DGCR8: variants seen among roughly 807,000 people sequenced by gnomAD.
DGCR8 encodes microprocessor complex subunit DGCR8.
In DGCR8, 14 loss-of-function variants were observed where a neutral mutation model predicts 78.5. The observed-to-expected ratio is 0.18, with a 90% CI of 0.12 to 0.28. The LOEUF (loss-of-function observed/expected upper bound fraction) is 0.28, where lower values mean the gene tolerates loss of function less well. DGCR8 is among the 10% of genes least tolerant of loss of function. The pLI, the probability that DGCR8 is intolerant of heterozygous loss-of-function variation, is 1.00. For missense variants in DGCR8, 702 were observed against 1,022.5 expected, an observed-to-expected ratio of 0.69 and a Z score of 4.28; for synonymous variants, 399 against 402.4, an observed-to-expected ratio of 0.99 and a Z score of 0.10.
intron 9 of DGCR8, chr22:20,100,617 G>A (rs2049687211): frequency 1.0e-6 from 1 of 985,278 alleles, no homozygotes; most frequent in Non-Finnish European, 1.2e-6. Flanking sequence ...GCCAGGAGAG[G>A]GCCCAGCGGG....
chr22:20,111,706 G>GCCGGGC lies in DGCR8; in HGVS notation c.*1600_*1601insGGGCCC. The GCCGGGC allele has an allele frequency of 1.6e-5, 1 of 63,040 alleles. No homozygotes were observed. The highest frequency in any genetic ancestry group is 2.0e-4 in the East Asian group (1 of 4,964). 3.9% of individuals were successfully genotyped at this position (63,040 alleles called of 1,614,324 possible). A position where few individuals can be genotyped will look rare whatever the true frequency, so the allele number is the denominator to read the frequency against. On this transcript the variant is annotated 3_prime_UTR_variant, in exon 14 of 14. Coordinates refer to ENST00000351989, the MANE Select transcript of DGCR8 (RefSeq NM_022720.7). ...TGCCATACTCTTGTGGTCTCTGTGCGCCCCCCCCCCCCCCCCACCCGTCTG... is the reference window on the plus strand; with the variant it reads ...TGCCATACTCTTGTGGTCTCTGTGCGCCGGGCCCCCCCCCCCCCCCCCACCCGTCTG...
chr22:20,082,333 T>TA (rs1460455033), intron 1 of DGCR8, among the ~76,000 whole-genome samples: 3 of 152,066 alleles, frequency 2.0e-5, no homozygotes, highest in African/African-American at 7.2e-5. Context: ...GCGCTGGGAT[T>TA]ACAGGCGTGA....
Position 20,086,194 on chromosome 22 carries a change from A to G in DGCR8, c.231A>G (p.Lys77=). ...FNFYGASLLS[K]GSFSKGRLLI... ...TCTACGGAGCTTCTCTTCTCTCCAA[A>G]GGATCCTTCTCTAAGGGCCGCCTCC... The change falls in exon 2 of 14, where the codon AAA becomes AAG. Residue 77 remains lysine (K), a synonymous_variant. Transcript: ENST00000351989. This position sits in a 1 kb window ranked among gnomAD's most constrained non-coding sequence, Gnocchi z 6.4. The G allele has an allele frequency of 6.2e-7, 1 of 1,614,144 alleles. No individual in the cohort carries two copies. The highest frequency in any genetic ancestry group is 8.5e-7 in the Non-Finnish European group (1 of 1,180,030).
Position 20,110,918 on chromosome 22 carries a change from CAGTCG to C in DGCR8, c.*815_*819del. 2.9e-6 allele frequency: 1 copy of C among 346,862 alleles called. No individual in the cohort carries two copies. The highest frequency in any genetic ancestry group is 4.3e-5 in the East Asian group (1 of 23,256). The allele number at this position is 346,862 out of a possible 1,614,324, so 21.5% of individuals were successfully genotyped here. On this transcript the variant is annotated 3_prime_UTR_variant, in exon 14 of 14. Transcript: ENST00000351989. ...AACAGTTTTTTACAAAGATTTTTTGCAGTCGAGTCCATATGTCCACCCATTGATTT... is the reference window on the plus strand; with the variant it reads ...AACAGTTTTTTACAAAGATTTTTTGCAGTCCATATGTCCACCCATTGATTT...
chr22:20,092,855 G>C lies in DGCR8; in HGVS notation c.1653G>C (p.Val551=). 3 of 1,613,894 alleles carry C rather than the reference G, an allele frequency of 1.9e-6. No homozygotes were observed. Among genetic ancestry groups the C allele is most frequent in the Non-Finnish European group, 1.7e-6 (2 of 1,179,880 alleles). Residue 551 remains valine (V), a synonymous_variant, in exon 8 of 14, where the codon GTG becomes GTC. Coordinates refer to ENST00000351989, the MANE Select transcript of DGCR8 (RefSeq NM_022720.7). ...GTGCCTCGGTGACCATTGATGGTGTGACTTACGGATCTGGAACTGCAAGCA... is the reference window on the plus strand; with the variant it reads ...GTGCCTCGGTGACCATTGATGGTGTCACTTACGGATCTGGAACTGCAAGCA... ...PFGASVTIDG[V]TYGSGTASSK... is the part of the protein sequence containing the mutation.
chr22:20,086,359 C>A lies in DGCR8; in HGVS notation c.396C>A (p.Asp132Glu). Residue 132 changes from aspartate to glutamate, a missense_variant, in exon 2 of 14, where the codon GAC becomes GAA. This residue lies in a region of DGCR8 where 356 missense variants were observed against 448.9 expected (regional missense o/e 0.79). Transcript: ENST00000351989. This position sits in a 1 kb window ranked among gnomAD's most constrained non-coding sequence, Gnocchi z 6.4. ...TTACCGAGAGCTGCAGGAGTAAGGA[C>A]AGGAAGGTGCTGTACACAGGAGCAG... Reference protein sequence around the residue: ...VSFTESCRSKDRKVLYTGAER... With the variant: ...VSFTESCRSKERKVLYTGAER... 1 of 1,614,022 alleles carries A rather than the reference C, an allele frequency of 6.2e-7. No homozygotes were observed. The highest frequency in any genetic ancestry group is 1.1e-5 in the South Asian group (1 of 91,072).
chr22:20,109,641 G>T (rs887911156), intron 13 of DGCR8, among the ~76,000 whole-genome samples: 2 of 152,196 alleles, frequency 1.3e-5, no homozygotes, highest in African/African-American at 4.8e-5. Flanking sequence ...GGGCTGTGGG[G>T]CTCAAGGGCA....
Position 20,085,096 on chromosome 22 carries a change from C to T in DGCR8, c.-277-591C>T. On this transcript the variant is annotated intron_variant, in intron 1 of 13. Transcript: ENST00000351989. The surrounding 1 kb of genome is among the most constrained non-coding windows in gnomAD (Gnocchi z 6.2). ...ATCGGGAACAGAACTATGCTGCCAC[C>T]TCTGGTGACCTCAGCACGCTGCATC... 1 of 930,382 alleles carries T rather than the reference C, an allele frequency of 1.1e-6. No homozygotes were observed. The highest frequency in any genetic ancestry group is 1.3e-6 in the Non-Finnish European group (1 of 779,548). The allele number at this position is 930,382 out of a possible 1,614,324, so 57.6% of individuals were successfully genotyped here. A position where few individuals can be genotyped will look rare whatever the true frequency, so the allele number is the denominator to read the frequency against.
At position 20,111,033 on chromosome 22, in the gene DGCR8, G is replaced by C; in HGVS notation, c.*925G>C. 1 of 397,630 alleles carries C rather than the reference G, an allele frequency of 2.5e-6. No homozygotes were observed. Among genetic ancestry groups the C allele is most frequent in the Non-Finnish European group, 4.4e-6 (1 of 226,018 alleles). 24.6% of individuals were successfully genotyped at this position (397,630 alleles called of 1,614,324 possible). A position where few individuals can be genotyped will look rare whatever the true frequency, so the allele number is the denominator to read the frequency against. On this transcript the variant is annotated 3_prime_UTR_variant, in exon 14 of 14. Transcript: ENST00000351989. The stretch of plus-strand genomic sequence containing the variant: ...GATTTGGAATCATGCATTTTAGCAA[G>C]TGGACTTGTTGAAACAGGAAGCAAG...
At position 20,080,376 on chromosome 22, in the gene DGCR8, C is replaced by A; in HGVS notation, c.-285C>A. ...GCGGGCGGCTTGGGCAGCCCGCGGG[C>A]GCCTCAGGTAGGTGCGGGGCGCGAG... On this transcript the variant is annotated 5_prime_UTR_variant, in exon 1 of 14. Coordinates refer to ENST00000351989, the MANE Select transcript of DGCR8 (RefSeq NM_022720.7). 1.0e-6 allele frequency: 1 copy of A among 965,796 alleles called. No homozygotes were observed. Among genetic ancestry groups the A allele is most frequent in the Non-Finnish European group, 1.2e-6 (1 of 822,884 alleles). The allele number at this position is 965,796 out of a possible 1,614,324, so 59.8% of individuals were successfully genotyped here.
chr22:20,108,791 G>A lies in DGCR8; in HGVS notation c.2125-99G>A, dbSNP rs1633442. On this transcript the variant is annotated intron_variant, in intron 12 of 13. Coordinates refer to ENST00000351989, the MANE Select transcript of DGCR8 (RefSeq NM_022720.7). ...GTTTCGTGTCTGCCAGACCCTGGGC[G>A]CGCCTGCCTTCAGGGTCCCAGGCAC... The A allele has an allele frequency of 1.3e-3, 940 of 705,020 alleles. 1 individual carries two copies. The highest frequency in any genetic ancestry group is 2.1e-3 in the Middle Eastern group (8 of 3,878). 43.7% of individuals were successfully genotyped at this position (705,020 alleles called of 1,614,324 possible). A position where few individuals can be genotyped will look rare whatever the true frequency, so the allele number is the denominator to read the frequency against.
chr22:20,102,539 T>C (rs2049716031), intron 9 of DGCR8, among the ~76,000 whole-genome samples: 1 of 152,244 alleles, frequency 6.6e-6, no homozygotes, highest in Non-Finnish European at 1.5e-5. Flanking sequence ...GGCGGATTCG[T>C]TTCCTTCAGG....
At position 20,106,574 on chromosome 22, in the gene DGCR8, G is replaced by T. The variant is rs2049772367; in HGVS notation, c.1890-18G>T. ...CTCTGCTCAGGGGACGCCATCTGTT[G>T]TCTGTTTTCTCTTAAAGAAACCATG... On this transcript the variant is annotated intron_variant, in intron 10 of 13. Transcript: ENST00000351989. 6.3e-7 allele frequency: 1 copy of T among 1,588,404 alleles called. No homozygotes were observed. The highest frequency in any genetic ancestry group is 1.1e-5 in the South Asian group (1 of 90,526).
At chr22:20,100,644 C>T in intron 9 of DGCR8, 5 of 985,444 alleles carry the variant, frequency 5.1e-6, no homozygotes, top group Non-Finnish European at 4.8e-6. Flanking sequence ...GGTTCTCAGC[C>T]TCCACTCTGG....
At position 20,080,403 on chromosome 22, in the gene DGCR8, G is replaced by T. The variant is rs1205581066; in HGVS notation, c.-278+20G>T. 6.0e-6 allele frequency: 5 copies of T among 830,666 alleles called. No individual in the cohort carries two copies. Among genetic ancestry groups the T allele is most frequent in the Non-Finnish European group, 6.6e-6 (5 of 759,602 alleles). The allele number at this position is 830,666 out of a possible 1,614,324, so 51.5% of individuals were successfully genotyped here. ...CCTCAGGTAGGTGCGGGGCGCGAGG[G>T]GCGCCCGCGGGCGGTTGGGCGGGCG... On this transcript the variant is annotated intron_variant, in intron 1 of 13. Transcript: ENST00000351989.
intron 13 of DGCR8, 134 bp from the exon 14 acceptor site, chr22:20,109,891 A>T (rs973879997): frequency 7.4e-6 from 6 of 809,586 alleles, no homozygotes; most frequent in African/African-American, 5.1e-5. Flanking sequence ...CTAGCCTGGC[A>T]TCACAAGCAC....
intron 9 of DGCR8, chr22:20,101,212 C>T: frequency 1.0e-6 from 1 of 985,370 alleles, no homozygotes; most frequent in Non-Finnish European, 1.2e-6. Flanking sequence ...TTTATGATGC[C>T]ATGCCTTGGT....
At chr22:20,093,229 C>T (rs1037469743) in intron 8 of DGCR8, among the ~76,000 whole-genome samples, 14 of 151,926 alleles carry the variant, frequency 9.2e-5, no homozygotes, top group Admixed American at 9.2e-4. Flanking sequence ...CACGGTGAAA[C>T]CCTCTCTCTA....
Position 20,110,237 on chromosome 22 carries a change from C to CA in DGCR8, c.*129_*130insA. The CA allele has an allele frequency of 2.2e-6, 2 of 913,830 alleles. No homozygotes were observed. The highest frequency in any genetic ancestry group is 3.3e-6 in the Non-Finnish European group (2 of 599,162). The allele number at this position is 913,830 out of a possible 1,614,324, so 56.6% of individuals were successfully genotyped here. On this transcript the variant is annotated 3_prime_UTR_variant, in exon 14 of 14. Coordinates refer to ENST00000351989, the MANE Select transcript of DGCR8 (RefSeq NM_022720.7). ...CTTCCCTGTGGCCAACCTGTGGGCC[C>CA]GGCCTTAGGGTGGAGGCTTTAGTGT...
Sources: gnomAD v4.1 joint callset for allele counts (sites outside exome capture counted in the v4.1 genomes callset) on GRCh38, gnomAD v4.1.1 for gene constraint, gnomAD v4.1.1 regional missense constraint, Gnocchi (gnomAD v3.1) non-coding constraint, MANE v1.5 for transcripts, NCBI Gene and HGNC (gene_info 2026-07-23, HGNC 2026-07-21) for gene names.